Variants in PRTG observed in about 807,000 individuals in gnomAD.
PRTG encodes protogenin, also known as immunoglobulin superfamily, DCC subclass, member 5.
PRTG carries 67 observed loss-of-function variants against 122.5 expected under a neutral mutation model. That is an observed-to-expected ratio of 0.55 (90% CI 0.45 to 0.67). The LOEUF (loss-of-function observed/expected upper bound fraction) is 0.67, where lower values mean the gene tolerates loss of function less well. Among genes scored for constraint, PRTG ranks in the 30% least tolerant of loss-of-function variants. The pLI is 0.00. For missense variants in PRTG, 1,435 were observed against 1,415.4 expected (o/e 1.01, Z -0.22); for synonymous variants, 554 against 501.1 (o/e 1.11, Z -1.41).
chr15:55,636,348 G>C (rs1281993795), intron 15 of PRTG, among the ~76,000 whole-genome samples: 1 of 151,518 alleles, frequency 6.6e-6, no homozygotes, highest in Admixed American at 6.6e-5. Context: ...CACTACTAAG[G>C]TCTTCTCCCT....
At chr15:55,630,713 C>A (rs1456084780) in intron 15 of PRTG, among the ~76,000 whole-genome samples, 1 of 152,042 alleles carries the variant, frequency 6.6e-6, no homozygotes, top group African/African-American at 2.4e-5. Context: ...CAAAGTATTT[C>A]CCTTACAAAA....
At chr15:55,650,370 C>G (rs150032014) in intron 11 of PRTG, among the ~76,000 whole-genome samples, 15 of 152,284 alleles carry the variant, frequency 9.9e-5, no homozygotes, top group African/African-American at 3.6e-4. Flanking sequence ...CAGGGCTTCA[C>G]AGAGGAGGTG....
chr15:55,658,410 G>A (rs1358305525), intron 11 of PRTG, among the ~76,000 whole-genome samples: 1 of 151,952 alleles, frequency 6.6e-6, no homozygotes, highest in East Asian at 1.9e-4. Context: ...CTGCCTCCCA[G>A]GTTCAAGCGA....
chr15:55,701,367 T>C (rs1346698613), intron 2 of PRTG, among the ~76,000 whole-genome samples: 1 of 152,082 alleles, frequency 6.6e-6, no homozygotes, highest in Non-Finnish European at 1.5e-5. Flanking sequence ...AAACTCCCTC[T>C]CTACTAAAAT....
intron 11 of PRTG, among the ~76,000 whole-genome samples, chr15:55,664,581 A>T (rs990400211): frequency 2.6e-5 from 4 of 151,780 alleles, no homozygotes; most frequent in Non-Finnish European, 5.9e-5. Flanking sequence ...AAATTTAGAA[A>T]TTTTTTTTTG....
chr15:55,724,544 A>G (rs1459459089), intron 2 of PRTG, among the ~76,000 whole-genome samples: 2 of 152,078 alleles, frequency 1.3e-5, no homozygotes, highest in African/African-American at 4.8e-5. Context: ...TGAGGCCAGG[A>G]GTTTGAGACC....
At chr15:55,628,475 ACAC>A (rs2059207917) in intron 16 of PRTG, among the ~76,000 whole-genome samples, 3 of 152,152 alleles carry the variant, frequency 2.0e-5, no homozygotes, top group South Asian at 4.1e-4. Context: ...CTTAACTTGA[ACAC>A]CACAACCACC....
At chr15:55,646,173 GTTTTTTTTTTT>G (rs545958068) in intron 11 of PRTG, among the ~76,000 whole-genome samples, 1 of 124,342 alleles carries the variant, frequency 8.0e-6, no homozygotes, top group African/African-American at 3.0e-5. Flanking sequence ...TGCCCAGCTA[GTTTTTTTTTTT>G]TTTTTTTTTA....
chr15:55,654,526 T>G (rs1288286572), intron 11 of PRTG, among the ~76,000 whole-genome samples: 2 of 152,222 alleles, frequency 1.3e-5, no homozygotes, highest in Admixed American at 1.3e-4. Flanking sequence ...AGTTGTTACA[T>G]CAGAAAACGA....
At chr15:55,706,621 T>C (rs2030131911) in intron 2 of PRTG, among the ~76,000 whole-genome samples, 1 of 150,456 alleles carries the variant, frequency 6.6e-6, no homozygotes, top group Admixed American at 6.6e-5. Flanking sequence ...TTTTAATTAG[T>C]TGTACATGGT....
intron 2 of PRTG, among the ~76,000 whole-genome samples, chr15:55,738,002 C>CTCTCTCTCTCTATATA (rs1248440584): frequency 2.1e-5 from 2 of 96,680 alleles, no homozygotes; most frequent in African/African-American, 7.4e-5. Flanking sequence ...CTCTCTCTCT[C>CTCTCTCTCTCTATATA]TATATATATA....
In PRTG at chr15:55,733,428, T is replaced by G. The variant is rs564248693; in HGVS notation, c.397+6954A>C. On this transcript the variant is annotated intron_variant, in intron 2 of 19. Transcript: ENST00000389286. ...GGGAGGCTGAGGCATGAAAATTGCT[T>G]GAAACCCACAGGCGGAGGTTGTGGT... Among the ~76,000 whole-genome samples, 66 of 149,666 alleles carry G rather than the reference T, an allele frequency of 4.4e-4. 2 individuals carry two copies. The South Asian group carries it at 0.014, about 31-fold the overall frequency.
At chr15:55,716,925 A>G (rs1181137894) in intron 2 of PRTG, among the ~76,000 whole-genome samples, 3 of 152,228 alleles carry the variant, frequency 2.0e-5, no homozygotes, top group Non-Finnish European at 2.9e-5. Flanking sequence ...TCAAATTAAA[A>G]AAGTTTTTCA....
intron 2 of PRTG, among the ~76,000 whole-genome samples, chr15:55,697,691 T>C (rs1263832794): frequency 6.6e-6 from 1 of 152,164 alleles, no homozygotes; most frequent in Non-Finnish European, 1.5e-5. Context: ...CGTTTCACCA[T>C]GTTGGCCAAG....
In PRTG at chr15:55,624,487, G is replaced by C. The variant is rs146949286; in HGVS notation, c.2948C>G (p.Thr983Arg). Reference sequence around the variant, plus strand: ...TAACTGTTGAGTTCCATTCTGTGCCGTCTTGGAAGCAGATGATTTCCTAAA... The same window carrying C: ...TAACTGTTGAGTTCCATTCTGTGCCCTCTTGGAAGCAGATGATTTCCTAAA... ...SKARKSSASK[T>R]AQNGTQQLPR... Residue 983 changes from threonine (T) to arginine (R), a missense_variant, in exon 18 of 20, where the codon ACG becomes AGG. By Grantham distance (71) the Thr-to-Arg change is moderately conservative (BLOSUM62 -1). Coordinates refer to ENST00000389286, the MANE Select transcript of PRTG (RefSeq NM_173814.6). 1 of 1,611,206 alleles carries C rather than the reference G, an allele frequency of 6.2e-7. No homozygotes were observed. The highest frequency in any genetic ancestry group is 8.5e-7 in the Non-Finnish European group (1 of 1,178,814).
intron 2 of PRTG, among the ~76,000 whole-genome samples, chr15:55,688,652 G>A (rs2059583858): frequency 6.6e-6 from 1 of 152,142 alleles, no homozygotes; most frequent in South Asian, 2.1e-4. Context: ...TGGCCAACAT[G>A]GTGAAACCAT....
rs375414769 is a variant in PRTG, at chr15:55,680,648, G to T, written c.677-20C>A. Reference sequence around the variant, plus strand: ...CCTTAGCTTTGGGGAGGAAAAGACAGAATATAAAAATAAATTATAAATAAG... The same window carrying T: ...CCTTAGCTTTGGGGAGGAAAAGACATAATATAAAAATAAATTATAAATAAG... On this transcript the variant is annotated intron_variant, in intron 4 of 19. Coordinates refer to ENST00000389286, the MANE Select transcript of PRTG (RefSeq NM_173814.6). The T allele has an allele frequency of 2.5e-5, 36 of 1,429,774 alleles. No homozygotes were observed. Among genetic ancestry groups the T allele is most frequent in the Non-Finnish European group, 8.4e-6 (9 of 1,075,652 alleles). The allele number at this position is 1,429,774 out of a possible 1,614,324, so 88.6% of individuals were successfully genotyped here.
At chr15:55,688,817 A>G (rs2059584751) in intron 2 of PRTG, among the ~76,000 whole-genome samples, 1 of 152,218 alleles carries the variant, frequency 6.6e-6, no homozygotes, top group Non-Finnish European at 1.5e-5. Flanking sequence ...CTGGTGACAG[A>G]GCGAGACTCC....
chr15:55,615,001 T>A lies in PRTG; in HGVS notation c.*5011A>T, dbSNP rs954934389. On this transcript the variant is annotated 3_prime_UTR_variant, in exon 20 of 20. Transcript: ENST00000389286. ...AGTTGAGGAACTTCAGTTGGGGAGATTATCCTGGATTATTTAGGTGGGCTC... is the reference window on the plus strand; with the variant it reads ...AGTTGAGGAACTTCAGTTGGGGAGAATATCCTGGATTATTTAGGTGGGCTC... The A allele has an allele frequency of 1.3e-5, 2 of 152,062 alleles. No homozygotes were observed. The highest frequency in any genetic ancestry group is 4.8e-5 in the African/African-American group (2 of 41,448). 9.4% of individuals were successfully genotyped at this position (152,062 alleles called of 1,614,324 possible). A position where few individuals can be genotyped will look rare whatever the true frequency, so the allele number is the denominator to read the frequency against.
Sources: gnomAD v4.1 joint callset for allele counts (sites outside exome capture counted in the v4.1 genomes callset) on GRCh38, gnomAD v4.1.1 for gene constraint, MANE v1.5 for transcripts, NCBI Gene and HGNC (gene_info 2026-07-23, HGNC 2026-07-21) for gene names.